Variants in COQ6 observed in about 807,000 individuals in gnomAD.
The protein encoded by COQ6 is coenzyme Q6, monooxygenase.
Under a neutral mutation model 55.5 loss-of-function variants are expected in COQ6, and 45 were observed. The observed-to-expected ratio is 0.81, with a 90% CI of 0.64 to 1.04. COQ6 has a LOEUF of 1.04. Ranked by LOEUF, COQ6 falls within the 50% of genes least tolerant of loss-of-function variation. The pLI is 0.00. For synonymous variants in COQ6, 206 were observed against 230.5 expected (o/e 0.89, Z 0.96); for missense variants, 550 against 601.3 (o/e 0.91, Z 0.89).
At chr14:73,962,863 TA>T (rs1458730423) in intron 11 of COQ6, 106 bp from the exon 12 acceptor site, 1 of 978,914 alleles carries the variant, frequency 1.0e-6, no homozygotes, top group African/African-American at 1.6e-5. Flanking sequence ...TTAGCTGAAA[TA>T]AAACAAGGAC....
intron 4 of COQ6, 122 bp downstream of exon 4, chr14:73,956,050 T>A: frequency 6.9e-7 from 1 of 1,459,258 alleles, no homozygotes; most frequent in Non-Finnish European, 9.5e-7. Context: ...GATGGCCGGG[T>A]GCGGTGGCTC....
At chr14:73,962,315 C>T (rs2056780410) in intron 11 of COQ6, among the ~76,000 whole-genome samples, 1 of 151,828 alleles carries the variant, frequency 6.6e-6, no homozygotes, top group South Asian at 2.1e-4. Flanking sequence ...TTTGCCTTCC[C>T]AAGGGTTACA....
intron 1 of COQ6, 187 bp downstream of exon 1, chr14:73,950,682 C>T: frequency 1.2e-6 from 1 of 859,046 alleles, no homozygotes; most frequent in Non-Finnish European, 1.7e-6. Flanking sequence ...CCATTAGGGT[C>T]AAAAGTGGGA....
chr14:73,958,621 C>T (rs1161649423), intron 5 of COQ6: 1 of 1,289,752 alleles, frequency 7.8e-7, no homozygotes, highest in East Asian at 4.0e-5. Flanking sequence ...ACAAGCTTCC[C>T]TTTTTGCATG....
At chr14:73,955,697 T>TGACA in intron 3 of COQ6, 108 bp from the exon 4 acceptor site, 1 of 1,544,526 alleles carries the variant, frequency 6.5e-7, no homozygotes, top group Non-Finnish European at 8.9e-7. Context: ...CCAGAGAGGC[T>TGACA]GACAAATTGT....
In COQ6 at chr14:73,955,489, A is replaced by G. The variant is rs1000388352; in HGVS notation, c.337A>G (p.Arg113Gly). The G allele has an allele frequency of 1.9e-6, 3 of 1,614,176 alleles. No individual in the cohort carries two copies. In the Admixed American group the frequency reaches 5.0e-5, roughly 27 times the overall value. Residue 113 changes from arginine to glycine, a missense_variant, in exon 3 of 12, where the codon AGA becomes GGA. Physicochemically the swap from Arg to Gly is moderately radical, Grantham distance 125. Transcript: ENST00000334571. ...GGACCATATCTGCAACATGAGATAC[A>G]GAGCCTTTCGGCGAATGCAGGTGCC... is the stretch of plus-strand genomic sequence containing the variant. ...AWDHICNMRY[R>G]AFRRMQVWDA...
intron 3 of COQ6, 68 bp downstream of exon 3, chr14:73,955,577 C>T (rs773822927): frequency 2.0e-6 from 3 of 1,488,500 alleles, no homozygotes; most frequent in East Asian, 4.5e-5. Context: ...AGTCCACTTT[C>T]TCCAAGTGTT....
chr14:73,956,686 T>C (rs1480783061), intron 4 of COQ6: 1 of 152,226 alleles, frequency 6.6e-6, no homozygotes, highest in East Asian at 1.9e-4. Flanking sequence ...TCAAAATATT[T>C]TGCCTGTTTT....
upstream of COQ6, chr14:73,950,230 T>C (rs755525286): frequency 1.3e-6 from 2 of 1,538,966 alleles, no homozygotes; most frequent in East Asian, 2.4e-5. Flanking sequence ...TTTCCGGTTC[T>C]GAGGACGCCG....
intron 4 of COQ6, chr14:73,956,284 C>CTGT: frequency 7.7e-6 from 2 of 260,306 alleles, no homozygotes; most frequent in Non-Finnish European, 7.6e-6. Flanking sequence ...GCCGAGATCA[C>CTGT]GCCACTGCAC....
intron 7 of COQ6, 79 bp from the exon 8 acceptor site, chr14:73,959,336 C>T (rs773077068): frequency 1.2e-6 from 2 of 1,613,990 alleles, no homozygotes; most frequent in East Asian, 2.2e-5. Flanking sequence ...TTGTAAGTTC[C>T]CTTTTTGTCT....
intron 1 of COQ6, among the ~76,000 whole-genome samples, chr14:73,951,085 C>G (rs973596453): frequency 2.0e-5 from 3 of 152,314 alleles, no homozygotes; most frequent in African/African-American, 7.2e-5. Flanking sequence ...TAGCCTCAAC[C>G]TCCCTGGCTG....
upstream of COQ6, chr14:73,950,056 G>A: frequency 6.2e-7 from 1 of 1,610,278 alleles, no homozygotes; most frequent in Non-Finnish European, 8.5e-7. Context: ...CAGCGACAGT[G>A]ACAGCGATAG....
At position 73,962,631 on chromosome 14, in the gene COQ6, C is replaced by A. The variant is rs148091787; in HGVS notation, c.1378-339C>A. The A allele has an allele frequency of 5.3e-3, 1,236 of 232,106 alleles. 8 individuals carry two copies. Among genetic ancestry groups the A allele is most frequent in the Non-Finnish European group, 5.4e-3 (647 of 119,632 alleles). The allele number at this position is 232,106 out of a possible 1,614,324, so 14.4% of individuals were successfully genotyped here. On this transcript the variant is annotated intron_variant, in intron 11 of 11. Coordinates refer to ENST00000334571, the MANE Select transcript of COQ6 (RefSeq NM_182476.3). ...GCTCCTTTTGCTGCTTGACTAGTTT[C>A]ATCCCTGAGAACTTCCATTTAAAGA... is the stretch of plus-strand genomic sequence containing the variant.
intron 1 of COQ6, among the ~76,000 whole-genome samples, chr14:73,950,832 A>G (rs2056162455): frequency 6.6e-6 from 1 of 152,242 alleles, no homozygotes; most frequent in Non-Finnish European, 1.5e-5. Flanking sequence ...GGGTGTAAGT[A>G]AAGTGGGATC....
Position 73,959,014 on chromosome 14 carries a change from G to C in COQ6, c.656G>C (p.Gly219Ala), listed in dbSNP as rs1052693114. 1.2e-6 allele frequency: 2 copies of C among 1,614,148 alleles called. No individual in the cohort carries two copies. Among genetic ancestry groups the C allele is most frequent in the African/African-American group, 2.7e-5 (2 of 75,040 alleles). The change falls in exon 6 of 12, where the codon GGA becomes GCA. Residue 219 changes from glycine to alanine, a missense_variant. Coordinates refer to ENST00000334571, the MANE Select transcript of COQ6 (RefSeq NM_182476.3). The stretch of plus-strand genomic sequence containing the variant: ...AACTCCGGAGTACGGCAGGCTGTTG[G>C]AATCCAGAATGTGAGCTGGAACTAT... ...GHNSGVRQAV[G>A]IQNVSWNYDQ... is the part of the protein sequence containing the mutation.
chr14:73,961,986 C>A, intron 11 of COQ6, 83 bp downstream of exon 11: 2 of 1,516,862 alleles, frequency 1.3e-6, no homozygotes, highest in Non-Finnish European at 1.8e-6. Flanking sequence ...TTGGTCTTAT[C>A]GCCCAGGATG....
chr14:73,962,876 C>A, intron 11 of COQ6, 94 bp from the exon 12 acceptor site: 1 of 1,077,988 alleles, frequency 9.3e-7, no homozygotes. Flanking sequence ...AACAAGGACA[C>A]TTGGGAAGAA....
At chr14:73,961,138 T>C in intron 8 of COQ6, 35 bp from the exon 9 acceptor site, 2 of 1,606,374 alleles carry the variant, frequency 1.2e-6, no homozygotes, top group Non-Finnish European at 1.7e-6. Context: ...CTACTCACAT[T>C]TCACCTTGTT....
Sources: allele counts gnomAD v4.1 joint callset (sites outside exome capture counted in the v4.1 genomes callset), GRCh38; gene constraint gnomAD v4.1.1; transcripts MANE v1.5; gene names NCBI Gene and HGNC (gene_info 2026-07-23, HGNC 2026-07-21).